The following KCNMB3 variants were observed in gnomAD, a reference collection of about 807,000 sequenced individuals.
The protein encoded by KCNMB3 is calcium-activated potassium channel subunit beta-3.
KCNMB3 carries 18 observed loss-of-function variants against 11.9 expected under a neutral mutation model. That is an observed-to-expected ratio of 1.51 (90% CI 1.04 to 2.23). KCNMB3 has a LOEUF of 2.23. Ranked by LOEUF, KCNMB3 falls within the 30% of genes most tolerant of loss-of-function variation. KCNMB3 has a pLI of 0.00. For synonymous variants in KCNMB3, 78 were observed against 119.2 expected, an observed-to-expected ratio of 0.65 and a Z score of 2.25; for missense variants, 247 against 329.4, an observed-to-expected ratio of 0.75 and a Z score of 1.94.
chr3:179,257,374 C>T (rs73188903), intron 1 of KCNMB3, among the ~76,000 whole-genome samples: 137 of 152,226 alleles, frequency 9.0e-4, no homozygotes, highest in Non-Finnish European at 1.6e-3. Context: ...TAATATGAAT[C>T]TACATAATTT....
At chr3:179,261,246 G>C in intron 1 of KCNMB3, 2 of 1,317,172 alleles carry the variant, frequency 1.5e-6, no homozygotes, top group Non-Finnish European at 2.0e-6. Flanking sequence ...TAGATCTCCC[G>C]GCTCTGCGTG....
upstream of KCNMB3, among the ~76,000 whole-genome samples, chr3:179,254,321 T>A (rs1287842936): frequency 6.6e-6 from 1 of 152,114 alleles, no homozygotes; most frequent in Non-Finnish European, 1.5e-5. Context: ...AACTACAATC[T>A]CCCCTGAAAT....
At chr3:179,252,583 G>T (rs1208996880), upstream of KCNMB3, among the ~76,000 whole-genome samples, 1 of 152,080 alleles carries the variant, frequency 6.6e-6, no homozygotes, top group Non-Finnish European at 1.5e-5. Context: ...AACCTCAGAA[G>T]GTGGGGCACT....
intron 1 of KCNMB3, chr3:179,260,993 G>C (rs1006695326): frequency 4.1e-6 from 4 of 975,786 alleles, no homozygotes; most frequent in Non-Finnish European, 1.7e-6. Context: ...GGTGTCGATG[G>C]ATATAGAGGT....
chr3:179,243,191 G>C lies in KCNMB3; in HGVS notation c.541C>G (p.Pro181Ala). 6.9e-7 allele frequency: 1 copy of C among 1,442,808 alleles called. No individual in the cohort carries two copies. Among genetic ancestry groups the C allele is most frequent in the Non-Finnish European group, 9.6e-7 (1 of 1,043,542 alleles). The allele number at this position is 1,442,808 out of a possible 1,614,324, so 89.4% of individuals were successfully genotyped here. ...KEFFDHKNGT[P>A]FSCFYSPASQ... ...GCTGGACTGTAGAAGCATGAAAAGGGGGTTCCATTTTTGTGATCGAAGAAT... is the reference window on the plus strand; with the variant it reads ...GCTGGACTGTAGAAGCATGAAAAGGCGGTTCCATTTTTGTGATCGAAGAAT... The change falls in exon 3 of 3, where the codon CCC becomes GCC. Residue 181 changes from proline (P) to alanine (A), a missense_variant. Physicochemically the swap from Pro to Ala is conservative, Grantham distance 27. Transcript: ENST00000392685.
At chr3:179,252,805 C>T (rs1725890228), upstream of KCNMB3, among the ~76,000 whole-genome samples, 1 of 150,042 alleles carries the variant, frequency 6.7e-6, no homozygotes, top group South Asian at 2.1e-4. Flanking sequence ...AATCTCGGCT[C>T]ACTGCAACCT....
chr3:179,253,348 A>C (rs1725910917), upstream of KCNMB3, among the ~76,000 whole-genome samples: 1 of 152,266 alleles, frequency 6.6e-6, no homozygotes, highest in South Asian at 2.1e-4. Flanking sequence ...ATTTAGGAAT[A>C]AGACAGACCT....
intron 1 of KCNMB3, among the ~76,000 whole-genome samples, chr3:179,257,872 TTGTGTG>T (rs112319528): frequency 5.5e-5 from 5 of 90,892 alleles, no homozygotes; most frequent in Non-Finnish European, 1.1e-4. Context: ...AAACATTGTT[TTGTGTG>T]TGTGTGTGTG....
chr3:179,242,349 T>C (rs541111160), downstream of KCNMB3: 15 of 151,884 alleles, frequency 9.9e-5, no homozygotes, highest in South Asian at 2.1e-4. Flanking sequence ...GAGCCAAGAC[T>C]GTGCCACTGT....
intron 1 of KCNMB3, among the ~76,000 whole-genome samples, chr3:179,246,158 TC>T (rs202096500): frequency 0.05 from 7,665 of 152,238 alleles, 251 homozygotes; most frequent in Middle Eastern, 0.19. Context: ...ATGCCTATAA[TC>T]CCAGCACTTT....
At chr3:179,266,994 T>TG, upstream of KCNMB3, 1 of 814,462 alleles carries the variant, frequency 1.2e-6, no homozygotes, top group East Asian at 5.0e-5. Flanking sequence ...TTCTCTCTCT[T>TG]TGCACTGTGC....
intron 1 of KCNMB3, among the ~76,000 whole-genome samples, chr3:179,258,260 GA>G (rs1023034386): frequency 6.6e-6 from 1 of 152,148 alleles, no homozygotes; most frequent in Non-Finnish European, 1.5e-5. Flanking sequence ...ATCACTTCCA[GA>G]AAAAATCTTT....
chr3:179,242,799 T>C lies in KCNMB3; in HGVS notation c.*105A>G. Reference sequence around the variant, plus strand: ...TTTCCCACATGAAAATATGATACTTTAATTATTACCTTTTACATTATTAGT... The same window carrying C: ...TTTCCCACATGAAAATATGATACTTCAATTATTACCTTTTACATTATTAGT... On this transcript the variant is annotated 3_prime_UTR_variant, in exon 3 of 3. Transcript: ENST00000392685. 2 of 1,444,400 alleles carry C rather than the reference T, an allele frequency of 1.4e-6. No homozygotes were observed. The highest frequency in any genetic ancestry group is 1.8e-6 in the Non-Finnish European group (2 of 1,094,262). 89.5% of individuals were successfully genotyped at this position (1,444,400 alleles called of 1,614,324 possible).
exon 1 of KCNMB3, chr3:179,266,864 C>T: frequency 7.0e-7 from 1 of 1,435,400 alleles, no homozygotes; most frequent in Non-Finnish European, 9.1e-7. Context: ...CCCCGCCTTC[C>T]TGGAGAGGTG....
At chr3:179,258,942 A>G in intron 1 of KCNMB3, 1 of 1,613,712 alleles carries the variant, frequency 6.2e-7, no homozygotes, top group Non-Finnish European at 8.5e-7. Context: ...AGAACATTCT[A>G]CTTACATTGG....
At chr3:179,251,879 G>A (rs1197252745), upstream of KCNMB3, among the ~76,000 whole-genome samples, 1 of 152,038 alleles carries the variant, frequency 6.6e-6, no homozygotes, top group African/African-American at 2.4e-5. Flanking sequence ...CGGCCACCAT[G>A]CCCAGCTAAT....
rs763724287 is a variant in KCNMB3 at position 179,244,673 on chromosome 3, G to A, written c.269C>T (p.Thr90Ile). Residue 90 changes from threonine to isoleucine, a missense_variant, in exon 2 of 3, where the codon ACC becomes ATC. This residue lies in a region of KCNMB3 where 160 missense variants were observed against 157.5 expected (regional missense o/e 1.02). Coordinates refer to ENST00000392685, the MANE Select transcript of KCNMB3 (RefSeq NM_171830.2). Reference sequence around the variant, plus strand: ...GATATCTGTGTGGATGGCAGTGCAGGTCGATTCTTCTCTCTGAATGCTTCA... The same window carrying A: ...GATATCTGTGTGGATGGCAGTGCAGATCGATTCTTCTCTCTGAATGCTTCA... ...FMLSIQREES[T>I]CTAIHTDIMD... 6.2e-7 allele frequency: 1 copy of A among 1,613,290 alleles called. No homozygotes were observed. Among genetic ancestry groups the A allele is most frequent in the Non-Finnish European group, 8.5e-7 (1 of 1,179,780 alleles).
chr3:179,262,320 G>C (rs980836669), intron 1 of KCNMB3, among the ~76,000 whole-genome samples: 2 of 152,118 alleles, frequency 1.3e-5, no homozygotes, highest in Non-Finnish European at 1.5e-5. Context: ...TGGTCTCACC[G>C]ACTTCAAGAA....
At chr3:179,261,298 C>T in intron 1 of KCNMB3, 5 of 1,267,524 alleles carry the variant, frequency 3.9e-6, no homozygotes, top group Non-Finnish European at 5.0e-6. Flanking sequence ...CCCGCTCCAC[C>T]CGGCGGGAAA....
Sources: gnomAD v4.1 joint callset for allele counts (sites outside exome capture counted in the v4.1 genomes callset) on GRCh38, gnomAD v4.1.1 for gene constraint, gnomAD v4.1.1 regional missense constraint, MANE v1.5 for transcripts, NCBI Gene and HGNC (gene_info 2026-07-23, HGNC 2026-07-21) for gene names.